Variants in MKLN1 observed in about 807,000 individuals in gnomAD.
MKLN1 encodes muskelin 1.
Under a neutral mutation model 99.0 loss-of-function variants are expected in MKLN1, and 18 were observed. The ratio of observed to expected loss-of-function variants is 0.18; its 90% confidence interval spans 0.13 to 0.27. The LOEUF (loss-of-function observed/expected upper bound fraction) is 0.27. Among genes scored for constraint, MKLN1 ranks in the 10% least tolerant of loss-of-function variants. The probability of loss-of-function intolerance (pLI) is 1.00; values close to 1 mark genes in which losing one functional copy is unlikely to be tolerated. For synonymous variants in MKLN1, 288 were observed against 293.2 expected (o/e 0.98, Z 0.18); for missense variants, 621 against 875.9 (o/e 0.71, Z 3.67).
intron 2 of MKLN1, among the ~76,000 whole-genome samples, chr7:131,190,582 T>G (rs1241978636): frequency 6.6e-6 from 1 of 152,114 alleles, no homozygotes; most frequent in Non-Finnish European, 1.5e-5. Flanking sequence ...CTTTTGGTAA[T>G]TTTCTTCTTT....
At chr7:131,267,854 T>A (rs1797831401) in intron 3 of MKLN1, among the ~76,000 whole-genome samples, 1 of 152,210 alleles carries the variant, frequency 6.6e-6, no homozygotes, top group South Asian at 2.1e-4. Context: ...ACCCAAAGAC[T>A]TCATTTTCAC....
At chr7:131,362,177 A>G (rs919490567) in intron 1 of MKLN1, among the ~76,000 whole-genome samples, 1 of 151,992 alleles carries the variant, frequency 6.6e-6, no homozygotes, top group Non-Finnish European at 1.5e-5. Context: ...GTGTTGCTTA[A>G]CGACTGGGAT....
chr7:131,208,930 A>G (rs34735202), intron 3 of MKLN1, among the ~76,000 whole-genome samples: 64,427 of 152,026 alleles, frequency 0.42, 13,924 homozygotes, highest in East Asian at 0.53. Context: ...AATATAATAG[A>G]GTGAAGTGAT....
chr7:131,324,581 C>A (rs1798847297), upstream of MKLN1, among the ~76,000 whole-genome samples: 1 of 152,184 alleles, frequency 6.6e-6, no homozygotes, highest in Non-Finnish European at 1.5e-5. Flanking sequence ...AAAGATGAGG[C>A]AGTGCCTGAG....
chr7:131,226,494 G>T (rs1368068758), intron 3 of MKLN1, among the ~76,000 whole-genome samples: 7 of 152,202 alleles, frequency 4.6e-5, no homozygotes, highest in Admixed American at 6.5e-5. Context: ...AAGCCATCAG[G>T]ATCCAGTTCC....
intron 16 of MKLN1, among the ~76,000 whole-genome samples, chr7:131,476,330 T>C (rs960866446): frequency 6.6e-6 from 1 of 152,002 alleles, no homozygotes; most frequent in Non-Finnish European, 1.5e-5. Flanking sequence ...AAAAAACATA[T>C]AGATTGGATA....
At chr7:131,343,465 A>G (rs1385435413) in intron 1 of MKLN1, among the ~76,000 whole-genome samples, 1 of 152,178 alleles carries the variant, frequency 6.6e-6, no homozygotes, top group African/African-American at 2.4e-5. Context: ...TTTTATAGTT[A>G]CACTATTGTA....
chr7:131,423,868 C>G (rs1795275433), intron 8 of MKLN1, among the ~76,000 whole-genome samples: 1 of 152,100 alleles, frequency 6.6e-6, no homozygotes, highest in Non-Finnish European at 1.5e-5. Context: ...AACAATTCAG[C>G]CTTTTAGTAA....
intron 16 of MKLN1, among the ~76,000 whole-genome samples, chr7:131,475,594 C>T (rs188839194): frequency 5.9e-5 from 9 of 152,222 alleles, no homozygotes; most frequent in African/African-American, 2.2e-4. Flanking sequence ...GGTGGATCGC[C>T]TGAGCCCATG....
intron 1 of MKLN1, among the ~76,000 whole-genome samples, chr7:131,142,146 G>T (rs981662846): frequency 2.0e-5 from 3 of 151,860 alleles, no homozygotes; most frequent in African/African-American, 7.3e-5. Context: ...GGTGGCTCAC[G>T]CCTGTAATCC....
chr7:131,486,514 G>A (rs1368348815), intron 17 of MKLN1, among the ~76,000 whole-genome samples: 1 of 152,002 alleles, frequency 6.6e-6, no homozygotes, highest in Non-Finnish European at 1.5e-5. Flanking sequence ...CAATGTTATG[G>A]TCTATTCCTG....
intron 6 of MKLN1, among the ~76,000 whole-genome samples, chr7:131,408,354 A>C (rs991697972): frequency 4.7e-4 from 72 of 152,184 alleles, no homozygotes; most frequent in African/African-American, 1.7e-3. Context: ...TCATTCTTGA[A>C]TGGTCAAAAA....
intron 2 of MKLN1, among the ~76,000 whole-genome samples, chr7:131,185,479 C>G (rs557985374): frequency 6.6e-6 from 1 of 151,512 alleles, no homozygotes; most frequent in East Asian, 1.9e-4. Context: ...CCCAGCTACT[C>G]GGGAGGCTGA....
At chr7:131,358,139 A>G (rs556795124) in intron 1 of MKLN1, among the ~76,000 whole-genome samples, 40 of 152,260 alleles carry the variant, frequency 2.6e-4, no homozygotes, top group African/African-American at 9.1e-4. Flanking sequence ...TTGGGGTAAA[A>G]CATCTAGTTT....
intron 12 of MKLN1, among the ~76,000 whole-genome samples, chr7:131,449,621 G>A (rs998878734): frequency 5.3e-5 from 8 of 151,860 alleles, no homozygotes; most frequent in African/African-American, 1.9e-4. Flanking sequence ...GCACATTAGA[G>A]TGAAATGGAA....
At chr7:131,466,557 G>A (rs188327239) in intron 15 of MKLN1, 142 bp downstream of exon 15, 10 of 535,606 alleles carry the variant, frequency 1.9e-5, no homozygotes, top group East Asian at 1.4e-4. Context: ...TTTTGCTTTC[G>A]TTTTTCAAAA....
intron 7 of MKLN1, among the ~76,000 whole-genome samples, chr7:131,411,709 C>A (rs1288618751): frequency 6.6e-6 from 1 of 151,818 alleles, no homozygotes; most frequent in Non-Finnish European, 1.5e-5. Flanking sequence ...TAGTTGAAGA[C>A]CAGCCTGCCC....
chr7:131,378,778 C>T (rs1793746215), intron 2 of MKLN1, among the ~76,000 whole-genome samples: 1 of 151,796 alleles, frequency 6.6e-6, no homozygotes, highest in Non-Finnish European at 1.5e-5. Flanking sequence ...TGCAGTGAGT[C>T]GAGATCATGC....
At chr7:131,290,253 C>T (rs1464634251) in intron 3 of MKLN1, among the ~76,000 whole-genome samples, 2 of 152,104 alleles carry the variant, frequency 1.3e-5, no homozygotes, top group Non-Finnish European at 2.9e-5. Context: ...TGCAGTGAGC[C>T]GAGATCGCAC....
Sources: allele counts gnomAD v4.1 joint callset (sites outside exome capture counted in the v4.1 genomes callset), GRCh38; gene constraint gnomAD v4.1.1; transcripts MANE v1.5; gene names NCBI Gene and HGNC (gene_info 2026-07-23, HGNC 2026-07-21).